XRCC6: variants seen among roughly 807,000 people sequenced by gnomAD.
XRCC6 encodes DNA repair protein Ku70.
A neutral mutation model predicts 65.7 loss-of-function variants in XRCC6; 5 were observed. The ratio of observed to expected loss-of-function variants is 0.08; its 90% CI spans 0.04 to 0.16. The LOEUF (loss-of-function observed/expected upper bound fraction) is 0.16. Ranked by LOEUF, XRCC6 falls within the 10% of genes least tolerant of loss-of-function variation. The pLI, the probability that XRCC6 is intolerant of heterozygous loss-of-function variation, is 1.00. For missense variants in XRCC6, 447 were observed against 738.1 expected, an observed-to-expected ratio of 0.61 and a Z score of 4.57; for synonymous variants, 270 against 270.6, an observed-to-expected ratio of 1.00 and a Z score of 0.02.
In XRCC6 at chr22:41,657,027, A is replaced by T. The variant is rs1199952261; in HGVS notation, c.1416A>T (p.Thr472=). 1 of 1,577,622 alleles carries T rather than the reference A, an allele frequency of 6.3e-7. No homozygotes were observed. Among genetic ancestry groups the T allele is most frequent in the Non-Finnish European group, 8.6e-7 (1 of 1,167,894 alleles). The change falls in exon 10 of 13, where the codon ACA becomes ACT. Residue 472 remains threonine, a synonymous_variant. Transcript: ENST00000360079. ...MKAIVEKLRF[T]YRSDSFENPV... ...CTATCGTTGAGAAGCTTCGCTTCAC[A>T]TACAGGTGAGTCAATCTCAGGCTTT...
chr22:41,628,867 G>T (rs1329629120), intron 3 of XRCC6, among the ~76,000 whole-genome samples: 5 of 146,508 alleles, frequency 3.4e-5, no homozygotes, highest in Non-Finnish European at 7.4e-5. Flanking sequence ...TCGGGAGGCT[G>T]AGTCAGGAGA....
At chr22:41,636,428 A>G in intron 4 of XRCC6, 88 bp from the exon 5 acceptor site, 1 of 1,547,020 alleles carries the variant, frequency 6.5e-7, no homozygotes, top group Non-Finnish European at 8.7e-7. Flanking sequence ...CTGGGGTGAA[A>G]AAGGGTCCTT....
intron 8 of XRCC6, among the ~76,000 whole-genome samples, chr22:41,653,035 C>T (rs1471524207): frequency 6.6e-6 from 1 of 152,014 alleles, no homozygotes; most frequent in African/African-American, 2.4e-5. Context: ...TTTAAATTTT[C>T]CTTTCTGTGT....
At chr22:41,646,819 C>T (rs2067936749) in intron 6 of XRCC6, 77 bp from the exon 7 acceptor site, 1 of 1,221,034 alleles carries the variant, frequency 8.2e-7, no homozygotes, top group Non-Finnish European at 1.2e-6. Context: ...AACAGTGAAG[C>T]TTTGGTGTTA....
chr22:41,623,545 G>A (rs1045698367), intron 2 of XRCC6, among the ~76,000 whole-genome samples: 2 of 151,042 alleles, frequency 1.3e-5, no homozygotes, highest in African/African-American at 4.9e-5. Context: ...CCACCACCAC[G>A]CCCGGCCAGT....
chr22:41,641,504 T>C (rs1399075756), intron 6 of XRCC6, among the ~76,000 whole-genome samples: 3 of 152,024 alleles, frequency 2.0e-5, no homozygotes, highest in Admixed American at 6.6e-5. Context: ...AATGTACTGT[T>C]ATTATTGACT....
At chr22:41,644,642 C>T (rs1601544413) in intron 6 of XRCC6, among the ~76,000 whole-genome samples, 1 of 151,982 alleles carries the variant, frequency 6.6e-6, no homozygotes, top group Non-Finnish European at 1.5e-5. Context: ...CACACCGCCA[C>T]GCCTGGCTAA....
intron 1 of XRCC6, 127 bp from the exon 2 acceptor site, chr22:41,621,863 A>G (rs1460951695): frequency 7.1e-6 from 6 of 841,050 alleles, no homozygotes; most frequent in Non-Finnish European, 1.1e-5. Flanking sequence ...CTTTCGAGGC[A>G]GCAGGATTTA....
At chr22:41,639,953 C>T (rs867609661) in intron 6 of XRCC6, among the ~76,000 whole-genome samples, 43 of 151,064 alleles carry the variant, frequency 2.8e-4, no homozygotes, top group Middle Eastern at 3.4e-3. Flanking sequence ...CCTCTGCGTC[C>T]GGCCTAGATT....
chr22:41,636,474 C>A (rs763358959), intron 4 of XRCC6, 42 bp from the exon 5 acceptor site: 2 of 1,604,122 alleles, frequency 1.2e-6, no homozygotes, highest in South Asian at 2.2e-5. Context: ...CACTGACATT[C>A]TTCTGATTTT....
intron 6 of XRCC6, among the ~76,000 whole-genome samples, chr22:41,639,667 CTTT>C (rs71184825): frequency 1.2e-5 from 1 of 81,044 alleles, no homozygotes. Context: ...GATTCTCTCT[CTTT>C]TTTTTTTTTT....
At chr22:41,649,909 G>T (rs1174243122) in intron 7 of XRCC6, among the ~76,000 whole-genome samples, 3 of 151,916 alleles carry the variant, frequency 2.0e-5, no homozygotes, top group Non-Finnish European at 4.4e-5. Flanking sequence ...GCTCACACCT[G>T]TAATCCCAGC....
At chr22:41,636,306 T>A in intron 4 of XRCC6, 55 bp downstream of exon 4, 2 of 1,541,958 alleles carry the variant, frequency 1.3e-6, no homozygotes, top group Non-Finnish European at 1.7e-6. Flanking sequence ...ATCAGTACTC[T>A]GATCAAAGAG....
intron 11 of XRCC6, 34 bp from the exon 12 acceptor site, chr22:41,661,297 C>T (rs1299856850): frequency 6.3e-7 from 1 of 1,590,698 alleles, no homozygotes; most frequent in African/African-American, 1.4e-5. Context: ...GCTCGTGACT[C>T]ACCAGGCCAC....
intron 6 of XRCC6, among the ~76,000 whole-genome samples, chr22:41,646,217 C>T (rs987275001): frequency 4.0e-5 from 6 of 151,750 alleles, no homozygotes; most frequent in Admixed American, 2.6e-4. Context: ...GCAGGAGAAT[C>T]GCTTGAACCC....
At chr22:41,653,066 C>T (rs1322695949) in intron 8 of XRCC6, among the ~76,000 whole-genome samples, 1 of 152,062 alleles carries the variant, frequency 6.6e-6, no homozygotes, top group African/African-American at 2.4e-5. Flanking sequence ...CCCATTTTCC[C>T]CTCAGCTGTG....
At chr22:41,637,861 A>C in intron 6 of XRCC6, 70 bp downstream of exon 6, 262 of 1,507,146 alleles carry the variant, frequency 1.7e-4, no homozygotes, top group Non-Finnish European at 2.1e-4. Flanking sequence ...GCGGTGGCTC[A>C]CACCTGTAAT....
At chr22:41,636,068 T>C in intron 3 of XRCC6, 45 bp from the exon 4 acceptor site, 2 of 1,531,186 alleles carry the variant, frequency 1.3e-6, no homozygotes, top group African/African-American at 1.4e-5. Context: ...CTTATGGAGC[T>C]TCCATTTAGT....
intron 3 of XRCC6, among the ~76,000 whole-genome samples, chr22:41,629,964 C>G (rs1403160871): frequency 1.4e-5 from 2 of 147,438 alleles, no homozygotes; most frequent in East Asian, 2.0e-4. Context: ...CTGCGCCCAG[C>G]CTTGTGTGTG....
Sources: gnomAD v4.1 joint callset for allele counts (sites outside exome capture counted in the v4.1 genomes callset) on GRCh38, gnomAD v4.1.1 for gene constraint, MANE v1.5 for transcripts, NCBI Gene and HGNC (gene_info 2026-07-23, HGNC 2026-07-21) for gene names.